The following IL12RB1 variants were observed in gnomAD, a reference collection of about 807,000 sequenced individuals.
The protein encoded by IL12RB1 is interleukin-12 receptor subunit beta-1.
A neutral mutation model predicts 94.4 loss-of-function variants in IL12RB1; 64 were observed. The ratio of observed to expected loss-of-function variants is 0.68; its 90% confidence interval spans 0.55 to 0.83. The LOEUF (loss-of-function observed/expected upper bound fraction) is 0.83. Ranked by LOEUF, IL12RB1 falls within the 40% of genes least tolerant of loss-of-function variation. IL12RB1 has a pLI of 0.00. For synonymous variants in IL12RB1, 362 were observed against 355.5 expected (o/e 1.02, Z -0.21); for missense variants, 814 against 855.6 (o/e 0.95, Z 0.61).
At position 18,075,757 on chromosome 19, in the gene IL12RB1, A is replaced by T; in HGVS notation, c.692T>A (p.Val231Asp). The change falls in exon 7 of 17, where the codon GTT becomes GAT. Residue 231 changes from valine to aspartate, a missense_variant. Physicochemically the swap from Val to Asp is radical, Grantham distance 152. Coordinates refer to ENST00000593993, the MANE Select transcript of IL12RB1 (RefSeq NM_005535.3). ...ACTCAGAGTGATCTTACCAGGGGGA[A>T]CGCACACGGGGCTGCTCCACTTGCT... ...SWSKWSSPVC[V>D]PPENPPQPQV... 1 of 1,612,942 alleles carries T rather than the reference A, an allele frequency of 6.2e-7. No homozygotes were observed.
chr19:18,077,524 A>T lies in IL12RB1; in HGVS notation c.541T>A (p.Trp181Arg). ...TTGGGAAACAAACTCACCAACTTCCATGGGCTGCTGGGTGTCCGGTGCCGG... is the reference window on the plus strand; with the variant it reads ...TTGGGAAACAAACTCACCAACTTCCTTGGGCTGCTGGGTGTCCGGTGCCGG... ...QFRHRTPSSP[W>R]KLGDCGPQDD... The change falls in exon 5 of 17, where the codon TGG (tryptophan) becomes AGG (arginine). Residue 181 changes from tryptophan (W) to arginine (R), a missense_variant. Transcript: ENST00000593993. 1 of 1,610,612 alleles carries T rather than the reference A, an allele frequency of 6.2e-7. No homozygotes were observed. The highest frequency in any genetic ancestry group is 1.1e-5 in the South Asian group (1 of 90,452).
At position 18,068,519 on chromosome 19, in the gene IL12RB1, G is replaced by A. The variant is rs761731702; in HGVS notation, c.1197C>T (p.Tyr399=). 6 of 1,611,902 alleles carry A rather than the reference G, an allele frequency of 3.7e-6. No homozygotes were observed. Among genetic ancestry groups the A allele is most frequent in the Admixed American group, 1.7e-5 (1 of 59,952 alleles). ...QDPDPAGMAT[Y]SWSRESGAMG... Reference sequence around the variant, plus strand: ...TTGCCCCAGACTCTCGACTCCAGCTGTAGGTTGCTGGAAGGATAAGCAAAG... The same window carrying A: ...TTGCCCCAGACTCTCGACTCCAGCTATAGGTTGCTGGAAGGATAAGCAAAG... Residue 399 remains tyrosine, a synonymous_variant, in exon 11 of 17, where the codon TAC becomes TAT. Transcript: ENST00000593993.
chr19:18,068,809 C>T (rs959677325), intron 10 of IL12RB1, among the ~76,000 whole-genome samples: 3 of 148,992 alleles, frequency 2.0e-5, no homozygotes, highest in East Asian at 2.0e-4. Context: ...AGTGCAATAG[C>T]GCAATCTTGA....
chr19:18,065,761 G>A (rs1217425734), intron 12 of IL12RB1, among the ~76,000 whole-genome samples: 1 of 152,106 alleles, frequency 6.6e-6, no homozygotes, highest in Admixed American at 6.6e-5. Context: ...AGAGGTTGCA[G>A]TGAGCTGAGA....
chr19:18,065,385 C>G (rs1346750976), intron 12 of IL12RB1, among the ~76,000 whole-genome samples: 1 of 152,156 alleles, frequency 6.6e-6, no homozygotes, highest in African/African-American at 2.4e-5. Context: ...ACCATAAGCA[C>G]TTGGCTGGTG....
chr19:18,062,302 C>A, intron 13 of IL12RB1, 25 bp from the exon 14 acceptor site: 1 of 1,449,872 alleles, frequency 6.9e-7, no homozygotes, highest in Non-Finnish European at 9.7e-7. Context: ...CGTGGGTTGG[C>A]AGAGGGCTAC....
intron 4 of IL12RB1, 150 bp from the exon 5 acceptor site, chr19:18,077,805 T>G: frequency 1.4e-6 from 1 of 694,428 alleles, no homozygotes; most frequent in Non-Finnish European, 2.6e-6. Flanking sequence ...TGGTATATTA[T>G]GATCAAAAAG....
intron 8 of IL12RB1, among the ~76,000 whole-genome samples, chr19:18,072,901 GGCGCCACT>G (rs2035175291): frequency 6.8e-6 from 1 of 148,062 alleles, no homozygotes; most frequent in African/African-American, 2.5e-5. Flanking sequence ...GAGCCGAGAT[GGCGCCACT>G]GCACTCCAGC....
chr19:18,085,161 G>A (rs936323126), intron 1 of IL12RB1, among the ~76,000 whole-genome samples: 5 of 152,170 alleles, frequency 3.3e-5, no homozygotes, highest in Admixed American at 1.3e-4. Flanking sequence ...AGACCCCGGC[G>A]CCCTCACTCC....
chr19:18,084,983 A>G (rs2036228077), intron 1 of IL12RB1, among the ~76,000 whole-genome samples: 1 of 152,206 alleles, frequency 6.6e-6, no homozygotes, highest in South Asian at 2.1e-4. Context: ...GGCCCAGGCA[A>G]GCACACTTGG....
rs116783526 is a variant in IL12RB1 at position 18,082,706 on chromosome 19, C to T, written c.125-442G>A. 7.9e-3 allele frequency among the ~76,000 whole-genome samples: 1,206 copies of T among 152,306 alleles called. 16 individuals are homozygous for T. Among genetic ancestry groups the T allele is most frequent in the African/African-American group, 0.026 (1,096 of 41,568 alleles). ...CGCACATAGAAGATGCTCAGTAAAT[C>T]GTTATCAAACAAAAGAATGGACAGC... On this transcript the variant is annotated intron_variant, in intron 2 of 16. Transcript: ENST00000593993.
intron 9 of IL12RB1, chr19:18,070,531 A>G (rs2034951494): frequency 2.0e-6 from 2 of 985,444 alleles, no homozygotes; most frequent in Non-Finnish European, 2.4e-6. Flanking sequence ...GTCTTCATGA[A>G]TGTCAGAGAG....
chr19:18,062,276 T>G lies in IL12RB1; in HGVS notation c.1620A>C (p.Glu540Asp), dbSNP rs762864839. ...VWSQPQRFSI[E>D]VQVSDWLIFF... Reference sequence around the variant, plus strand: ...AGATGAGCCAATCAGAAACCTGCACTTCTGAGGTGGGAGAGCGTGGGTTGG... The same window carrying G: ...AGATGAGCCAATCAGAAACCTGCACGTCTGAGGTGGGAGAGCGTGGGTTGG... Residue 540 changes from glutamate to aspartate, a missense_variant and splice_region_variant, in exon 14 of 17, where the codon GAA becomes GAC. Coordinates refer to ENST00000593993, the MANE Select transcript of IL12RB1 (RefSeq NM_005535.3). 4 of 1,606,630 alleles carry G rather than the reference T, an allele frequency of 2.5e-6. No homozygotes were observed. Among genetic ancestry groups the G allele is most frequent in the Non-Finnish European group, 2.6e-6 (3 of 1,174,524 alleles).
At chr19:18,086,709 C>A in intron 1 of IL12RB1, 51 bp downstream of exon 1, 1 of 1,556,248 alleles carries the variant, frequency 6.4e-7, no homozygotes, top group South Asian at 1.2e-5. Flanking sequence ...CACACATACA[C>A]GTGCCTCCAC....
At chr19:18,070,711 G>A (rs1011519842) in intron 9 of IL12RB1, 2 of 167,158 alleles carry the variant, frequency 1.2e-5, no homozygotes, top group African/African-American at 4.8e-5. Flanking sequence ...GGTGGAGATG[G>A]GTGGATCACT....
intron 2 of IL12RB1, among the ~76,000 whole-genome samples, chr19:18,082,537 C>A (rs1026393622): frequency 5.9e-5 from 9 of 152,104 alleles, no homozygotes; most frequent in African/African-American, 2.2e-4. Flanking sequence ...CCCAGGGCCC[C>A]AACTTTCCTC....
rs560231272 is a variant in IL12RB1, at chr19:18,059,707, A to G, written c.1984-94T>C. 24 of 765,434 alleles carry G rather than the reference A, an allele frequency of 3.1e-5. No individual in the cohort carries two copies. In the East Asian group the frequency reaches 4.9e-4, roughly 16 times the overall value. 47.4% of individuals were successfully genotyped at this position (765,434 alleles called of 1,614,324 possible). On this transcript the variant is annotated intron_variant, in intron 16 of 16. Coordinates refer to ENST00000593993, the MANE Select transcript of IL12RB1 (RefSeq NM_005535.3). ...GTGGATGGAATGGGCTGGGTATGCC[A>G]TAAGTGCTTAATAACCAGCCGTTGT...
intron 1 of IL12RB1, among the ~76,000 whole-genome samples, chr19:18,098,391 C>T (rs910923112): frequency 6.6e-6 from 1 of 152,136 alleles, no homozygotes; most frequent in Non-Finnish European, 1.5e-5. Context: ...CCTCAACCAG[C>T]TCTCTTACGG....
chr19:18,084,714 T>C (rs561326067), intron 1 of IL12RB1, among the ~76,000 whole-genome samples: 33 of 151,496 alleles, frequency 2.2e-4, no homozygotes, highest in Non-Finnish European at 4.0e-4. Flanking sequence ...TACATACATG[T>C]ATTTATTAAT....
Sources: gnomAD v4.1 joint callset for allele counts (sites outside exome capture counted in the v4.1 genomes callset) on GRCh38, gnomAD v4.1.1 for gene constraint, MANE v1.5 for transcripts, NCBI Gene and HGNC (gene_info 2026-07-23, HGNC 2026-07-21) for gene names.